Variants in HID1 observed in about 807,000 individuals in gnomAD.
HID1 encodes the protein protein HID1.
A neutral mutation model predicts 89.7 loss-of-function variants in HID1; 42 were observed. That is an observed-to-expected ratio of 0.47 (90% CI 0.37 to 0.61). HID1 has a LOEUF of 0.61. Among genes scored for constraint, HID1 ranks in the 20% least tolerant of loss-of-function variants. The pLI, the probability that HID1 is intolerant of heterozygous loss-of-function variation, is 0.00. For synonymous variants in HID1, 442 were observed against 433.8 expected (o/e 1.02, Z -0.24); for missense variants, 854 against 1,039.3 (o/e 0.82, Z 2.45).
At chr17:74,971,420 G>T (rs1269363478) in intron 1 of HID1, among the ~76,000 whole-genome samples, 1 of 152,240 alleles carries the variant, frequency 6.6e-6, no homozygotes, top group Non-Finnish European at 1.5e-5. Context: ...TTCAGCCGGG[G>T]TTGGACTCTC....
intron 1 of HID1, 63 bp from the exon 2 acceptor site, chr17:74,964,695 A>T: frequency 6.5e-7 from 1 of 1,534,176 alleles, no homozygotes; most frequent in Non-Finnish European, 8.8e-7. Flanking sequence ...CACTTTGCCC[A>T]ACTTGTGGCC....
intron 2 of HID1, 60 bp from the exon 3 acceptor site, chr17:74,963,970 T>TG: frequency 6.3e-7 from 1 of 1,580,452 alleles, no homozygotes; most frequent in East Asian, 2.2e-5. Context: ...CCCTGGCACT[T>TG]GGGGTCAGGG....
At position 74,955,862 on chromosome 17, in the gene HID1, G is replaced by A. The variant is rs28650840; in HGVS notation, c.1566C>T (p.Ala522=). 10,495 of 1,614,114 alleles carry A rather than the reference G, an allele frequency of 6.5e-3. 601 individuals are homozygous for A. In the African/African-American group the frequency reaches 0.12, roughly 19 times the overall value. Residue 522 remains alanine, a synonymous_variant, in exon 13 of 19, where the codon GCC becomes GCT. Transcript: ENST00000425042. The part of the protein sequence containing the change: ...AFSTTWFLFS[A]AQNHHLVFFL... ...AGAAGACCAGGTGGTGGTTCTGGGC[G>A]GCAGAGAAGAGGAACCAGGTGGTGG...
In HID1 at chr17:74,962,004, G is replaced by T. The variant is rs140704812; in HGVS notation, c.612-15C>A. 11 of 1,540,496 alleles carry T rather than the reference G, an allele frequency of 7.1e-6. No individual in the cohort carries two copies. Among genetic ancestry groups the T allele is most frequent in the African/African-American group, 1.4e-5 (1 of 72,554 alleles). Reference sequence around the variant, plus strand: ...GCAGCTCCATCCTTGTAGGAGGAAGGGGGAGGGCACCTTAGGATCCCAGTC... The same window carrying T: ...GCAGCTCCATCCTTGTAGGAGGAAGTGGGAGGGCACCTTAGGATCCCAGTC... On this transcript the variant is annotated splice_polypyrimidine_tract_variant and intron_variant, in intron 5 of 18. Coordinates refer to ENST00000425042, the MANE Select transcript of HID1 (RefSeq NM_030630.3). The surrounding 1 kb of genome is among the most constrained non-coding windows in gnomAD (Gnocchi z 4.3).
In HID1 at chr17:74,962,400, TC is replaced by T; in HGVS notation, c.505-61del. ...GTCGAGAGGTGAACAGCAGCCTGGG[TC>T]AGAACCTGGCCACCTCGAGCCTCAC... On this transcript the variant is annotated intron_variant, in intron 4 of 18. Transcript: ENST00000425042. This position sits in a 1 kb window ranked among gnomAD's most constrained non-coding sequence, Gnocchi z 4.3. 2.5e-6 allele frequency: 3 copies of T among 1,195,404 alleles called. No homozygotes were observed. The highest frequency in any genetic ancestry group is 3.6e-6 in the Non-Finnish European group (3 of 827,558). The allele number at this position is 1,195,404 out of a possible 1,614,324, so 74.0% of individuals were successfully genotyped here. A position where few individuals can be genotyped will look rare whatever the true frequency, so the allele number is the denominator to read the frequency against.
chr17:74,971,075 A>G (rs889157806), intron 1 of HID1, among the ~76,000 whole-genome samples: 2 of 152,176 alleles, frequency 1.3e-5, no homozygotes, highest in Non-Finnish European at 2.9e-5. Flanking sequence ...TATTTTGGGG[A>G]AAAGGCCTGA....
intron 12 of HID1, among the ~76,000 whole-genome samples, chr17:74,957,553 C>T (rs1417495016): frequency 1.3e-5 from 2 of 151,086 alleles, no homozygotes; most frequent in African/African-American, 4.9e-5. Context: ...CAGTGGCTCC[C>T]ATAAACTGGG....
Position 74,972,747 on chromosome 17 carries a change from T to C in HID1, c.-91A>G, listed in dbSNP as rs1157382592. 2.4e-6 allele frequency: 3 copies of C among 1,258,030 alleles called. No individual in the cohort carries two copies. The highest frequency in any genetic ancestry group is 2.7e-4 in the Middle Eastern group (1 of 3,656). 77.9% of individuals were successfully genotyped at this position (1,258,030 alleles called of 1,614,324 possible). A position where few individuals can be genotyped will look rare whatever the true frequency, so the allele number is the denominator to read the frequency against. On this transcript the variant is annotated 5_prime_UTR_variant, in exon 1 of 19. Coordinates refer to ENST00000425042, the MANE Select transcript of HID1 (RefSeq NM_030630.3). The surrounding 1 kb of genome is among the most constrained non-coding windows in gnomAD (Gnocchi z 6.4). ...GCTCCAGCTCCGCGGCCCCCGCGGC[T>C]CTCGCAGGAGACAAGCGGCGCGCCC...
chr17:74,963,939 G>A, intron 2 of HID1, 29 bp from the exon 3 acceptor site: 2 of 1,612,224 alleles, frequency 1.2e-6, no homozygotes, highest in Middle Eastern at 1.7e-4. Flanking sequence ...GCAGAGGGCA[G>A]GCTGGAAGGT....
In HID1 at chr17:74,958,050, G is replaced by T; in HGVS notation, c.1471+91C>A. 1 of 1,171,452 alleles carries T rather than the reference G, an allele frequency of 8.5e-7. No homozygotes were observed. Among genetic ancestry groups the T allele is most frequent in the Non-Finnish European group, 1.2e-6 (1 of 813,296 alleles). The allele number at this position is 1,171,452 out of a possible 1,614,324, so 72.6% of individuals were successfully genotyped here. A position where few individuals can be genotyped will look rare whatever the true frequency, so the allele number is the denominator to read the frequency against. On this transcript the variant is annotated intron_variant, in intron 12 of 18. Transcript: ENST00000425042. The surrounding 1 kb of genome is among the most constrained non-coding windows in gnomAD (Gnocchi z 5.2). ...GCTTGCGTTCTTTCTGTGGGCTGGA[G>T]GGGCTTGAAACCTGGAGCAAGTGGC... is the stretch of plus-strand genomic sequence containing the variant.
At chr17:74,955,758 C>T (rs1208400278) in intron 13 of HID1, 34 bp downstream of exon 13, 2 of 1,607,262 alleles carry the variant, frequency 1.2e-6, no homozygotes, top group African/African-American at 1.3e-5. Flanking sequence ...CCGCTGGCCA[C>T]CCTGACCACC....
In HID1 at chr17:74,951,425, G is replaced by T; in HGVS notation, c.*145C>A. 1.3e-6 allele frequency: 1 copy of T among 747,058 alleles called. No individual in the cohort carries two copies. The allele number at this position is 747,058 out of a possible 1,614,324, so 46.3% of individuals were successfully genotyped here. A position where few individuals can be genotyped will look rare whatever the true frequency, so the allele number is the denominator to read the frequency against. On this transcript the variant is annotated 3_prime_UTR_variant, in exon 19 of 19. Transcript: ENST00000425042. The stretch of plus-strand genomic sequence containing the variant: ...CAGTTCACATTGTCCTGGCCACAGG[G>T]GTCTCTAGGGCATGACACTCAGGGC...
At chr17:74,957,610 TA>T (rs199526829) in intron 12 of HID1, among the ~76,000 whole-genome samples, 49 of 137,658 alleles carry the variant, frequency 3.6e-4, no homozygotes, top group African/African-American at 7.6e-4. Context: ...TTTTTTTTTT[TA>T]AAAAAAGGCC....
chr17:74,952,372 C>T lies in HID1; in HGVS notation c.2053-12G>A, dbSNP rs369782892. ...TTCCAGGAGAGGACCTGGCGAGGGA[C>T]GGGGTTCCTGGGGCTGAGAAAGCAG... On this transcript the variant is annotated splice_polypyrimidine_tract_variant and intron_variant, in intron 16 of 18. Coordinates refer to ENST00000425042, the MANE Select transcript of HID1 (RefSeq NM_030630.3). The T allele has an allele frequency of 2.9e-4, 466 of 1,611,162 alleles. 1 individual carries two copies. Among genetic ancestry groups the T allele is most frequent in the African/African-American group, 2.4e-3 (183 of 74,968 alleles).
At position 74,972,217 on chromosome 17, in the gene HID1, G is replaced by A. The variant is rs529004048; in HGVS notation, c.66+374C>T. Among the ~76,000 whole-genome samples, 8 of 151,838 alleles carry A rather than the reference G, an allele frequency of 5.3e-5. No individual in the cohort carries two copies. Among genetic ancestry groups the A allele is most frequent in the African/African-American group, 1.9e-4 (8 of 41,350 alleles). ...CCGCGGGCAATGAGGGGCAGGGAGG[G>A]GAGCGGACGGTGGATGGGTGGGTGG... On this transcript the variant is annotated intron_variant, in intron 1 of 18. Coordinates refer to ENST00000425042, the MANE Select transcript of HID1 (RefSeq NM_030630.3). This position sits in a 1 kb window ranked among gnomAD's most constrained non-coding sequence, Gnocchi z 6.4.
At chr17:74,954,093 G>A (rs1467777067) in intron 14 of HID1, 45 bp downstream of exon 14, 8 of 1,519,456 alleles carry the variant, frequency 5.3e-6, no homozygotes, top group Non-Finnish European at 7.2e-6. Context: ...CCCTCCCCCA[G>A]CCACACCAGT....
intron 6 of HID1, among the ~76,000 whole-genome samples, chr17:74,961,306 C>A (rs12936899): frequency 0.29 from 44,583 of 151,578 alleles, 6,726 homozygotes; most frequent in Admixed American, 0.39. Context: ...CTCACTCTGT[C>A]ACCCAGGCTG....
chr17:74,972,695 T>G lies in HID1; in HGVS notation c.-39A>C. ...GCTCCGGCCCGGCCCCCGCCCAGAC[T>G]CCAACCCGGCTCCGGCTTCAGCTCC... On this transcript the variant is annotated 5_prime_UTR_variant, in exon 1 of 19. Coordinates refer to ENST00000425042, the MANE Select transcript of HID1 (RefSeq NM_030630.3). This position sits in a 1 kb window ranked among gnomAD's most constrained non-coding sequence, Gnocchi z 6.4. 1.3e-6 allele frequency: 2 copies of G among 1,501,312 alleles called. No homozygotes were observed. The highest frequency in any genetic ancestry group is 8.9e-7 in the Non-Finnish European group (1 of 1,120,526). The allele number at this position is 1,501,312 out of a possible 1,614,324, so 93.0% of individuals were successfully genotyped here.
chr17:74,962,974 C>A lies in HID1; in HGVS notation c.495G>T (p.Arg165Ser), dbSNP rs200779853. The A allele has an allele frequency of 3.1e-5, 50 of 1,611,670 alleles. 1 individual carries two copies. In the East Asian group the frequency reaches 1.1e-3, roughly 36 times the overall value. Residue 165 changes from arginine to serine, a missense_variant, in exon 4 of 19, where the codon AGG (arginine) becomes AGT (serine). Physicochemically the swap from Arg to Ser is moderately radical, Grantham distance 110. Transcript: ENST00000425042. This position sits in a 1 kb window ranked among gnomAD's most constrained non-coding sequence, Gnocchi z 4.3. ...GCTGGGGGACACTCACCACAGTGCT[C>A]CTCCGGTGGCTCTGAACCGTGAAGT... The part of the protein sequence containing the change: ...CPDFTVQSHR[R>S]STVDSAEDVH...
Sources: allele counts gnomAD v4.1 joint callset (sites outside exome capture counted in the v4.1 genomes callset), GRCh38; gene constraint gnomAD v4.1.1; non-coding constraint Gnocchi (gnomAD v3.1); transcripts MANE v1.5; gene names NCBI Gene and HGNC (gene_info 2026-07-23, HGNC 2026-07-21).